The following FHL5 variants were observed in gnomAD, a reference collection of about 807,000 sequenced individuals.
The protein encoded by FHL5 is four and a half LIM domains 5, also known as four and a half LIM domains protein 5.
In FHL5, 33 loss-of-function variants were observed where a neutral mutation model predicts 32.0. That is an observed-to-expected ratio of 1.03 (90% CI 0.78 to 1.38). The LOEUF (loss-of-function observed/expected upper bound fraction) is 1.38, where lower values mean the gene tolerates loss of function less well. Ranked by LOEUF, FHL5 falls within the 40% of genes most tolerant of loss-of-function variation. FHL5 has a pLI of 0.00. For synonymous variants in FHL5, 114 were observed against 113.6 expected (o/e 1.00, Z -0.02); for missense variants, 336 against 343.9 (o/e 0.98, Z 0.18).
intron 2 of FHL5, among the ~76,000 whole-genome samples, chr6:96,604,408 G>C (rs1443118053): frequency 6.6e-6 from 1 of 151,520 alleles, no homozygotes; most frequent in Non-Finnish European, 1.5e-5. Context: ...ACATCTCAAA[G>C]AGTAATAGAA....
intron 1 of FHL5, among the ~76,000 whole-genome samples, chr6:96,575,421 C>T (rs1485718541): frequency 6.6e-6 from 1 of 152,182 alleles, no homozygotes; most frequent in African/African-American, 2.4e-5. Flanking sequence ...AGAGACCAAG[C>T]CCTTCCCTTC....
rs1771201143 is a variant in FHL5 at position 96,603,585 on chromosome 6, C to T, written c.-12-17C>T. The T allele has an allele frequency of 1.9e-6, 3 of 1,588,476 alleles. No homozygotes were observed. Among genetic ancestry groups the T allele is most frequent in the Non-Finnish European group, 2.6e-6 (3 of 1,164,154 alleles). ...AAATTCTGCTTTTATATACATTAAT[C>T]ACTTTGTCATTCATAGGATCAAACC... is the stretch of plus-strand genomic sequence containing the variant. On this transcript the variant is annotated splice_polypyrimidine_tract_variant and intron_variant, in intron 1 of 5. Transcript: ENST00000450218.
At chr6:96,587,568 T>C (rs114090134) in intron 1 of FHL5, among the ~76,000 whole-genome samples, 1,769 of 152,246 alleles carry the variant, frequency 0.012, 33 homozygotes, top group African/African-American at 0.034. Flanking sequence ...GAAGTCTCCT[T>C]ATATAGAAAA....
At chr6:96,611,087 C>A (rs528993102) in intron 5 of FHL5, among the ~76,000 whole-genome samples, 2 of 152,210 alleles carry the variant, frequency 1.3e-5, no homozygotes, top group South Asian at 2.1e-4. Context: ...TGCTTGCAGC[C>A]TCATTAAGTT....
intron 4 of FHL5, among the ~76,000 whole-genome samples, chr6:96,607,151 G>A (rs1182388795): frequency 1.3e-5 from 2 of 152,114 alleles, no homozygotes; most frequent in African/African-American, 4.8e-5. Context: ...GATGAAGCCT[G>A]TCTGCATTCC....
chr6:96,613,526 G>C (rs375296358), intron 5 of FHL5, among the ~76,000 whole-genome samples: 1 of 152,194 alleles, frequency 6.6e-6, no homozygotes, highest in African/African-American at 2.4e-5. Flanking sequence ...GGGGTGGGGG[G>C]CCTTCATTTG....
rs920745411 is a variant in FHL5 at position 96,618,526 on chromosome 6, G to T, written c.*2754G>T. On this transcript the variant is annotated 3_prime_UTR_variant, in exon 6 of 6. Coordinates refer to ENST00000450218, the MANE Select transcript of FHL5 (RefSeq NM_001322466.2). ...TATTGTAGTGTTTGAGGAAAATTAT[G>T]CTTTTGATCCTTTGTGGAATAGAAC... 6.6e-5 allele frequency among the ~76,000 whole-genome samples: 10 copies of T among 152,198 alleles called. No homozygotes were observed.
At chr6:96,588,919 T>C (rs1770857964) in intron 1 of FHL5, among the ~76,000 whole-genome samples, 1 of 152,022 alleles carries the variant, frequency 6.6e-6, no homozygotes, top group African/African-American at 2.4e-5. Context: ...ACAGTTTGTG[T>C]TTTTCATATT....
chr6:96,602,839 T>C (rs1771183841), intron 1 of FHL5, among the ~76,000 whole-genome samples: 1 of 152,240 alleles, frequency 6.6e-6, no homozygotes, highest in Admixed American at 6.5e-5. Context: ...CTGATGATTT[T>C]ATCTGCACTT....
In FHL5 at chr6:96,604,862, C is replaced by A. The variant is rs553390417; in HGVS notation, c.272C>A (p.Thr91Lys). The change falls in exon 3 of 6, where the codon ACG becomes AAG. Residue 91 changes from threonine to lysine, a missense_variant. Coordinates refer to ENST00000450218, the MANE Select transcript of FHL5 (RefSeq NM_001322466.2). ...FAAKDERLLCTECYSNECSSK... is the reference protein window; with the variant it reads ...FAAKDERLLCKECYSNECSSK... ...GCCAAGGATGAGCGCCTGCTGTGCA[C>A]GGAGTGCTATTCTAACGAGTGCTCC... 42 of 1,613,894 alleles carry A rather than the reference C, an allele frequency of 2.6e-5. No individual in the cohort carries two copies. The South Asian group carries it at 3.8e-4, about 15-fold the overall frequency.
intron 1 of FHL5, among the ~76,000 whole-genome samples, chr6:96,585,970 A>G (rs73757902): frequency 1.6e-3 from 242 of 152,338 alleles, no homozygotes; most frequent in African/African-American, 5.6e-3. Context: ...CTTGCCTTGC[A>G]CAGTTCCATG....
chr6:96,610,653 C>A lies in FHL5; in HGVS notation c.586C>A (p.Leu196Ile). The A allele has an allele frequency of 6.2e-7, 1 of 1,613,422 alleles. No homozygotes were observed. The highest frequency in any genetic ancestry group is 1.6e-4 in the Middle Eastern group (1 of 6,062). Reference sequence around the variant, plus strand: ...TCTGTGTAGTGGCTGTAGGAAAGATCTCTGTGAAGAACAGTTCATGTCCAG... The same window carrying A: ...TCTGTGTAGTGGCTGTAGGAAAGATATCTGTGAAGAACAGTTCATGTCCAG... ...CFLCSGCRKDLCEEQFMSRDD... is the reference protein window; with the variant it reads ...CFLCSGCRKDICEEQFMSRDD... The change falls in exon 5 of 6, where the codon CTC (leucine) becomes ATC (isoleucine). Residue 196 changes from leucine to isoleucine, a missense_variant. By Grantham distance (5) the Leu-to-Ile change is conservative. Coordinates refer to ENST00000450218, the MANE Select transcript of FHL5 (RefSeq NM_001322466.2).
chr6:96,595,133 C>A (rs901304171), intron 1 of FHL5, among the ~76,000 whole-genome samples: 2 of 151,492 alleles, frequency 1.3e-5, no homozygotes, highest in African/African-American at 4.8e-5. Context: ...TTTTTCAAAC[C>A]ACATTCTTTA....
chr6:96,562,609 C>T (rs1770271652), upstream of FHL5: 1 of 152,210 alleles, frequency 6.6e-6, no homozygotes, highest in African/African-American at 2.4e-5. Context: ...CAGGGAACTA[C>T]CTTGAGTATT....
chr6:96,579,529 A>G lies in FHL5; in HGVS notation c.-13+16174A>G, dbSNP rs147771628. ...CAGATAGTACATATTGCTCTAAGGT[A>G]CCATGTATGGATATAATTTCCAACA... On this transcript the variant is annotated intron_variant, in intron 1 of 5. Coordinates refer to ENST00000450218, the MANE Select transcript of FHL5 (RefSeq NM_001322466.2). Among the ~76,000 whole-genome samples, 7 of 152,302 alleles carry G rather than the reference A, an allele frequency of 4.6e-5. No individual in the cohort carries two copies. In the East Asian group the frequency reaches 1.3e-3, roughly 29 times the overall value.
intron 1 of FHL5, among the ~76,000 whole-genome samples, chr6:96,582,561 A>T (rs1562055107): frequency 1.3e-5 from 2 of 152,032 alleles, no homozygotes; most frequent in African/African-American, 2.4e-5. Context: ...GTTAGTGTCC[A>T]GAGAAGAAAT....
intron 1 of FHL5, among the ~76,000 whole-genome samples, chr6:96,600,223 C>T (rs912480200): frequency 9.8e-4 from 149 of 152,182 alleles, no homozygotes; most frequent in African/African-American, 3.4e-3. Context: ...AAATCAAAAG[C>T]TTGTTACTCA....
At chr6:96,608,790 A>C (rs1771338298) in intron 4 of FHL5, among the ~76,000 whole-genome samples, 1 of 152,238 alleles carries the variant, frequency 6.6e-6, no homozygotes, top group South Asian at 2.1e-4. Context: ...ATTAGACTTT[A>C]TCTTACCTTC....
rs534862913 is a variant in FHL5, at chr6:96,615,715, C to A, written c.798C>A (p.Thr266=). 11 of 1,611,954 alleles carry A rather than the reference C, an allele frequency of 6.8e-6. No homozygotes were observed. The highest frequency in any genetic ancestry group is 9.3e-6 in the Non-Finnish European group (11 of 1,179,128). ...CCTTGGTGGGTAAAGGCTTCCTGAC[C>A]CAGAACAAGGAAATCTTCTGCCAAA... The part of the protein sequence containing the change: ...SVSLVGKGFL[T]QNKEIFCQKC... Residue 266 remains threonine (T), a synonymous_variant, in exon 6 of 6, where the codon ACC becomes ACA. Coordinates refer to ENST00000450218, the MANE Select transcript of FHL5 (RefSeq NM_001322466.2).
Sources: allele counts gnomAD v4.1 joint callset (sites outside exome capture counted in the v4.1 genomes callset), GRCh38; gene constraint gnomAD v4.1.1; transcripts MANE v1.5; gene names NCBI Gene and HGNC (gene_info 2026-07-23, HGNC 2026-07-21).